The following CTNNA3 variants were observed in gnomAD, a reference collection of about 807,000 sequenced individuals.
CTNNA3 encodes the protein catenin alpha 3.
Under a neutral mutation model 95.7 loss-of-function variants are expected in CTNNA3, and 76 were observed. The ratio of observed to expected loss-of-function variants is 0.79; its 90% CI spans 0.66 to 0.96. CTNNA3 has a LOEUF of 0.96. Ranked by LOEUF, CTNNA3 falls within the 40% of genes least tolerant of loss-of-function variation. The pLI is 0.00. For missense variants in CTNNA3, 1,191 were observed against 1,089.8 expected (o/e 1.09, Z -1.31); for synonymous variants, 431 against 374.4 (o/e 1.15, Z -1.74).
intron 10 of CTNNA3, among the ~76,000 whole-genome samples, chr10:66,583,666 T>C (rs1843268824): frequency 6.6e-6 from 1 of 151,888 alleles, no homozygotes; most frequent in African/African-American, 2.4e-5. Flanking sequence ...ATTTTTTTTG[T>C]TTCAATTTTA....
intron 16 of CTNNA3, among the ~76,000 whole-genome samples, chr10:65,979,056 T>A (rs1589209822): frequency 6.6e-6 from 1 of 152,268 alleles, no homozygotes; most frequent in East Asian, 1.9e-4. Flanking sequence ...GCATGGCATA[T>A]CTCAATGAAT....
chr10:66,999,909 T>C (rs1851578645), intron 7 of CTNNA3, among the ~76,000 whole-genome samples: 1 of 152,206 alleles, frequency 6.6e-6, no homozygotes, highest in Admixed American at 6.5e-5. Context: ...TTGAAGGTCA[T>C]CTGATTTGTT....
chr10:66,777,927 G>T (rs1264406177), intron 7 of CTNNA3, among the ~76,000 whole-genome samples: 1 of 152,078 alleles, frequency 6.6e-6, no homozygotes, highest in Non-Finnish European at 1.5e-5. Context: ...CTTTCTCAGA[G>T]CTAGCAGCAG....
At chr10:66,896,618 G>A (rs568196255) in intron 7 of CTNNA3, among the ~76,000 whole-genome samples, 1 of 152,260 alleles carries the variant, frequency 6.6e-6, no homozygotes, top group South Asian at 2.1e-4. Flanking sequence ...CTGCCTAAAA[G>A]GTTCCTTTTT....
chr10:67,048,825 T>A (rs986324723), intron 7 of CTNNA3, among the ~76,000 whole-genome samples: 1 of 152,118 alleles, frequency 6.6e-6, no homozygotes, highest in Admixed American at 6.5e-5. Flanking sequence ...AGTAACATGA[T>A]GTCTCACCGT....
At chr10:66,721,253 T>C (rs1271704210) in intron 9 of CTNNA3, among the ~76,000 whole-genome samples, 1 of 152,174 alleles carries the variant, frequency 6.6e-6, no homozygotes, top group African/African-American at 2.4e-5. Flanking sequence ...GACAGTCTAA[T>C]TTACAAAAAC....
At chr10:66,365,156 T>G (rs974621101) in intron 12 of CTNNA3, among the ~76,000 whole-genome samples, 2 of 151,918 alleles carry the variant, frequency 1.3e-5, no homozygotes, top group Admixed American at 6.6e-5. Context: ...CAATGATAGA[T>G]TGGATTAAGA....
intron 5 of CTNNA3, among the ~76,000 whole-genome samples, chr10:67,444,428 C>T (rs1846659035): frequency 6.6e-6 from 1 of 151,808 alleles, no homozygotes; most frequent in Non-Finnish European, 1.5e-5. Context: ...CCTATAAATG[C>T]CTACATCGAA....
At chr10:66,052,777 G>C (rs751958155) in intron 15 of CTNNA3, among the ~76,000 whole-genome samples, 16 of 151,996 alleles carry the variant, frequency 1.1e-4, no homozygotes, top group Non-Finnish European at 1.8e-4. Context: ...TTTCATGAGA[G>C]AGTAGTTAAA....
chr10:67,409,872 T>A (rs1163283755), intron 5 of CTNNA3, among the ~76,000 whole-genome samples: 3 of 151,720 alleles, frequency 2.0e-5, no homozygotes, highest in Non-Finnish European at 2.9e-5. Flanking sequence ...GCTGGAGAGG[T>A]CGTGGAGAAA....
chr10:67,354,630 G>A (rs16924415), intron 5 of CTNNA3, among the ~76,000 whole-genome samples: 5,304 of 151,958 alleles, frequency 0.035, 286 homozygotes, highest in East Asian at 0.24. Flanking sequence ...CACAAACTAT[G>A]TTACTTATGA....
At chr10:67,292,433 A>T (rs1327190081) in intron 5 of CTNNA3, among the ~76,000 whole-genome samples, 1 of 152,084 alleles carries the variant, frequency 6.6e-6, no homozygotes, top group Non-Finnish European at 1.5e-5. Flanking sequence ...GTAAAGTGGG[A>T]ATCCAGACAA....
chr10:66,835,739 G>C (rs59034202), intron 7 of CTNNA3, among the ~76,000 whole-genome samples: 3 of 152,160 alleles, frequency 2.0e-5, no homozygotes, highest in African/African-American at 7.2e-5. Context: ...TCATGATACA[G>C]TTAATTAAAC....
intron 13 of CTNNA3, among the ~76,000 whole-genome samples, chr10:66,279,901 C>T (rs2091463584): frequency 6.6e-6 from 1 of 151,950 alleles, no homozygotes; most frequent in South Asian, 2.1e-4. Context: ...ATACAGTGTG[C>T]CTGCAACAAA....
At chr10:66,978,433 A>G (rs1268124355) in intron 7 of CTNNA3, among the ~76,000 whole-genome samples, 2 of 148,480 alleles carry the variant, frequency 1.3e-5, no homozygotes, top group East Asian at 2.1e-4. Flanking sequence ...AGGCTGAGGC[A>G]GGAGAATCAC....
intron 9 of CTNNA3, among the ~76,000 whole-genome samples, chr10:66,628,088 G>A (rs955345839): frequency 6.6e-6 from 1 of 152,070 alleles, no homozygotes; most frequent in South Asian, 2.1e-4. Flanking sequence ...AGCTGCTTGA[G>A]GGTAAAGACG....
At chr10:66,556,773 T>C (rs995350025) in intron 10 of CTNNA3, among the ~76,000 whole-genome samples, 2 of 152,050 alleles carry the variant, frequency 1.3e-5, no homozygotes, top group South Asian at 4.1e-4. Context: ...TGCAGTTATA[T>C]AAGATGAATA....
chr10:66,642,009 T>C (rs1471160063), intron 9 of CTNNA3, among the ~76,000 whole-genome samples: 1 of 152,088 alleles, frequency 6.6e-6, no homozygotes, highest in African/African-American at 2.4e-5. Flanking sequence ...TGTTGCCTTC[T>C]TCTGTGCAAA....
intron 5 of CTNNA3, among the ~76,000 whole-genome samples, chr10:67,373,488 A>T (rs577251109): frequency 6.6e-6 from 1 of 152,204 alleles, no homozygotes; most frequent in Non-Finnish European, 1.5e-5. Context: ...GTCCTTGGAG[A>T]CGTACAAAGA....
Sources: gnomAD v4.1 joint callset for allele counts (sites outside exome capture counted in the v4.1 genomes callset) on GRCh38, gnomAD v4.1.1 for gene constraint, MANE v1.5 for transcripts, NCBI Gene and HGNC (gene_info 2026-07-23, HGNC 2026-07-21) for gene names.